Variants in PNPLA1 observed in about 807,000 individuals in gnomAD.
PNPLA1 encodes the protein omega-hydroxyceramide transacylase.
In PNPLA1, 36 loss-of-function variants were observed where a neutral mutation model predicts 51.7. The observed-to-expected ratio is 0.70, with a 90% CI of 0.53 to 0.92. The LOEUF is 0.92. PNPLA1 is among the 40% of genes least tolerant of loss of function. PNPLA1 has a pLI of 0.00. For missense variants in PNPLA1, 658 were observed against 682.5 expected, an observed-to-expected ratio of 0.96 and a Z score of 0.40; for synonymous variants, 293 against 280.1, an observed-to-expected ratio of 1.05 and a Z score of -0.46.
rs1396633193 is a variant in PNPLA1 at position 36,282,207 on chromosome 6, A to AG, written c.206-9111dup. 1.0e-3 allele frequency among the ~76,000 whole-genome samples: 73 copies of AG among 72,830 alleles called. 3 individuals are homozygous for AG. The highest frequency in any genetic ancestry group is 4.2e-3 in the South Asian group (10 of 2,400). The allele number at this position is 72,830 out of a possible 152,430, so 47.8% of individuals were successfully genotyped here. A position where few individuals can be genotyped will look rare whatever the true frequency, so the allele number is the denominator to read the frequency against. On this transcript the variant is annotated intron_variant, in intron 1 of 8. Transcript: ENST00000636260. The stretch of plus-strand genomic sequence containing the variant: ...AAAGAAAGAAAGAAGGAAGGAAGGA[A>AG]GGAAGGGAAGGAAGGAAGGAAGGAA...
At chr6:36,254,556 C>T (rs563124871) in intron 1 of PNPLA1, among the ~76,000 whole-genome samples, 5 of 150,506 alleles carry the variant, frequency 3.3e-5, no homozygotes, top group South Asian at 2.1e-4. Context: ...GCATAGGCGA[C>T]GGAGGAAAAC....
Position 36,270,406 on chromosome 6 carries a change from A to T in PNPLA1, c.-54A>T, listed in dbSNP as rs1769874838. The T allele has an allele frequency of 2.0e-6, 3 of 1,533,252 alleles. No homozygotes were observed. In the South Asian group the frequency reaches 3.6e-5, roughly 18 times the overall value. The allele number at this position is 1,533,252 out of a possible 1,614,324, so 95.0% of individuals were successfully genotyped here. A position where few individuals can be genotyped will look rare whatever the true frequency, so the allele number is the denominator to read the frequency against. On this transcript the variant is annotated 5_prime_UTR_variant, in exon 1 of 9. Transcript: ENST00000636260. The stretch of plus-strand genomic sequence containing the variant: ...AGGGAGCGGCAGCCCAGGCTCGGGC[A>T]GGCAAGTGCTGAAGGGTGGCTCCGC...
chr6:36,297,389 TTG>T (rs970797675), intron 5 of PNPLA1, among the ~76,000 whole-genome samples: 1 of 152,092 alleles, frequency 6.6e-6, no homozygotes, highest in African/African-American at 2.4e-5. Context: ...GAAACTGCAG[TTG>T]GTCTCCAGAG....
At chr6:36,261,663 T>G (rs574923700) in intron 1 of PNPLA1, among the ~76,000 whole-genome samples, 16 of 152,310 alleles carry the variant, frequency 1.1e-4, no homozygotes, top group African/African-American at 3.8e-4. Context: ...TAAAAACAGT[T>G]AACACTTGGT....
chr6:36,282,044 G>GGAAA (rs553265176), intron 1 of PNPLA1, among the ~76,000 whole-genome samples: 591 of 34,558 alleles, frequency 0.017, 42 homozygotes, highest in South Asian at 0.023. Context: ...AAAGAAAGAA[G>GGAAA]GAAAGAAAGA....
chr6:36,301,525 G>A (rs1051377190), intron 5 of PNPLA1, among the ~76,000 whole-genome samples: 2 of 150,660 alleles, frequency 1.3e-5, no homozygotes, highest in African/African-American at 2.4e-5. Context: ...TCACCACCCC[G>A]CCCTGACCAT....
chr6:36,295,659 A>C (rs567848870), intron 5 of PNPLA1, among the ~76,000 whole-genome samples: 2 of 152,358 alleles, frequency 1.3e-5, no homozygotes, highest in East Asian at 3.9e-4. Flanking sequence ...AACTAAGGGC[A>C]CAGTGTCTAG....
intron 1 of PNPLA1, among the ~76,000 whole-genome samples, chr6:36,288,787 A>C (rs1044945242): frequency 1.1e-4 from 16 of 152,108 alleles, no homozygotes; most frequent in African/African-American, 3.9e-4. Context: ...AAATAAAAAA[A>C]TCAGCTGGGT....
chr6:36,299,954 GTA>G, intron 5 of PNPLA1, among the ~76,000 whole-genome samples: 1 of 152,188 alleles, frequency 6.6e-6, no homozygotes, highest in Non-Finnish European at 1.5e-5. Context: ...ATATAACACG[GTA>G]TTCAGTCCAG....
intron 1 of PNPLA1, among the ~76,000 whole-genome samples, chr6:36,285,752 A>T (rs1338954892): frequency 6.6e-6 from 1 of 152,152 alleles, no homozygotes; most frequent in Non-Finnish European, 1.5e-5. Flanking sequence ...TGAAGAGGGG[A>T]ACATTATCCA....
intron 1 of PNPLA1, among the ~76,000 whole-genome samples, chr6:36,263,089 G>T (rs1769688546): frequency 6.6e-6 from 1 of 152,114 alleles, no homozygotes; most frequent in Non-Finnish European, 1.5e-5. Flanking sequence ...AAATAACCAA[G>T]ATTTTATTTT....
intron 1 of PNPLA1, among the ~76,000 whole-genome samples, chr6:36,287,755 AAC>A (rs57750301): frequency 0.054 from 7,964 of 148,320 alleles, 246 homozygotes; most frequent in South Asian, 0.087. Flanking sequence ...GACAGACAGA[AAC>A]ACACACACAC....
intron 1 of PNPLA1, among the ~76,000 whole-genome samples, chr6:36,281,741 C>T (rs1582062582): frequency 1.3e-5 from 2 of 152,048 alleles, no homozygotes; most frequent in South Asian, 4.2e-4. Flanking sequence ...GAGATCTGGC[C>T]GGGTGCAGTG....
chr6:36,280,693 A>T (rs966788518), intron 1 of PNPLA1, among the ~76,000 whole-genome samples: 1 of 152,144 alleles, frequency 6.6e-6, no homozygotes, highest in Non-Finnish European at 1.5e-5. Flanking sequence ...TTCTCATGCC[A>T]CTGGCTTTCA....
chr6:36,254,013 C>G (rs61105253), intron 1 of PNPLA1, among the ~76,000 whole-genome samples: 4,149 of 152,136 alleles, frequency 0.027, 88 homozygotes, highest in African/African-American at 0.056. Context: ...GACTACAGAG[C>G]TAAAGTTGTA....
chr6:36,273,507 G>C (rs892523747), intron 1 of PNPLA1, among the ~76,000 whole-genome samples: 6 of 151,764 alleles, frequency 4.0e-5, no homozygotes, highest in African/African-American at 1.5e-4. Context: ...TCCTGCCTTG[G>C]AAACACCTGG....
At chr6:36,274,607 GT>G (rs1194471525) in intron 1 of PNPLA1, among the ~76,000 whole-genome samples, 1 of 152,076 alleles carries the variant, frequency 6.6e-6, no homozygotes, top group Non-Finnish European at 1.5e-5. Flanking sequence ...GGGTATTTGT[GT>G]CATTAACTTT....
upstream of PNPLA1, among the ~76,000 whole-genome samples, chr6:36,267,289 A>G (rs1769782527): frequency 6.6e-6 from 1 of 152,314 alleles, no homozygotes; most frequent in Middle Eastern, 3.4e-3. Flanking sequence ...CCTTCTCAAG[A>G]GTTTAGCACC....
chr6:36,283,687 C>T (rs1430696748), intron 1 of PNPLA1, among the ~76,000 whole-genome samples: 1 of 152,200 alleles, frequency 6.6e-6, no homozygotes, highest in African/African-American at 2.4e-5. Context: ...TGCCCTAGCT[C>T]AGAGTCTAGT....
Sources: gnomAD v4.1 joint callset for allele counts (sites outside exome capture counted in the v4.1 genomes callset) on GRCh38, gnomAD v4.1.1 for gene constraint, MANE v1.5 for transcripts, NCBI Gene and HGNC (gene_info 2026-07-23, HGNC 2026-07-21) for gene names.